MYH10: variants seen among roughly 807,000 people sequenced by gnomAD.
The protein encoded by MYH10 is myosin-10.
In MYH10, 55 loss-of-function variants were observed where a neutral mutation model predicts 257.8. The ratio of observed to expected loss-of-function variants is 0.21; its 90% CI spans 0.17 to 0.27. The LOEUF (loss-of-function observed/expected upper bound fraction) is 0.27, where lower values mean the gene tolerates loss of function less well. Among genes scored for constraint, MYH10 ranks in the 10% least tolerant of loss-of-function variants. The pLI, the probability that MYH10 is intolerant of heterozygous loss-of-function variation, is 1.00. For synonymous variants in MYH10, 854 were observed against 921.7 expected, an observed-to-expected ratio of 0.93 and a Z score of 1.33; for missense variants, 1,631 against 2,500.6, an observed-to-expected ratio of 0.65 and a Z score of 7.42.
intron 25 of MYH10, 44 bp downstream of exon 25, chr17:8,509,768 T>C: frequency 1.3e-6 from 2 of 1,556,756 alleles, no homozygotes; most frequent in Non-Finnish European, 1.7e-6. Context: ...TATATAAATA[T>C]TTTCTGTAAC....
intron 28 of MYH10, among the ~76,000 whole-genome samples, chr17:8,502,608 G>A (rs948788069): frequency 5.3e-5 from 8 of 152,066 alleles, no homozygotes; most frequent in African/African-American, 1.9e-4. Flanking sequence ...AAGTCCTTAA[G>A]AGAGTGAAAA....
chr17:8,487,339 G>A, intron 36 of MYH10, 94 bp downstream of exon 36: 4 of 1,486,580 alleles, frequency 2.7e-6, no homozygotes, highest in Non-Finnish European at 3.7e-6. Flanking sequence ...GCTGACAGCG[G>A]TGCTGTGCCC....
In MYH10 at chr17:8,500,685, G is replaced by C. The variant is rs569884236; in HGVS notation, c.3744+141C>G. On this transcript the variant is annotated intron_variant, in intron 29 of 42. Transcript: ENST00000360416. ...GAAAGCCGCTCCTGTCTTGGCAACT[G>C]GGTACCCAGCAGCCCACTCAGTGAC... 2.0e-3 allele frequency: 2,048 copies of C among 1,000,290 alleles called. 43 individuals are homozygous for C. In the South Asian group the frequency reaches 0.037, roughly 18 times the overall value. 62.0% of individuals were successfully genotyped at this position (1,000,290 alleles called of 1,614,324 possible). A position where few individuals can be genotyped will look rare whatever the true frequency, so the allele number is the denominator to read the frequency against.
chr17:8,595,425 CT>C (rs10664342), intron 3 of MYH10, among the ~76,000 whole-genome samples: 95 of 84,180 alleles, frequency 1.1e-3, no homozygotes, highest in African/African-American at 5.0e-3. Context: ...AAGAACAGTT[CT>C]TTTTTTTTTT....
intron 19 of MYH10, among the ~76,000 whole-genome samples, chr17:8,520,479 G>C (rs1470739324): frequency 1.3e-5 from 2 of 152,172 alleles, no homozygotes; most frequent in African/African-American, 4.8e-5. Flanking sequence ...CTGGGTGACA[G>C]AGCGAAGACT....
chr17:8,499,239 G>A (rs368568654), intron 30 of MYH10, 31 bp downstream of exon 30: 18 of 1,598,858 alleles, frequency 1.1e-5, no homozygotes, highest in Non-Finnish European at 1.5e-5. Context: ...GCTACAGTGG[G>A]ACGTGTGTAG....
chr17:8,582,256 A>G (rs1410237490), intron 4 of MYH10, among the ~76,000 whole-genome samples: 3 of 152,186 alleles, frequency 2.0e-5, no homozygotes, highest in African/African-American at 4.8e-5. Flanking sequence ...AAGCAGAGGG[A>G]AGAGAGCCAA....
In MYH10 at chr17:8,476,890, C is replaced by A. The variant is rs78220738; in HGVS notation, c.5865G>T (p.Leu1955=). ...NEGLSREVST[L]KNRLRRGGPI... is the part of the protein sequence containing the mutation. ...TGCCTGCTCACCTCAGCCGGTTCTT[C>A]AGGGTGCTGACCTCGCGGCTCAGGC... The change falls in exon 42 of 43, where the codon CTG becomes CTT. Residue 1955 remains leucine, a synonymous_variant. Transcript: ENST00000360416. 1 of 1,609,742 alleles carries A rather than the reference C, an allele frequency of 6.2e-7. No individual in the cohort carries two copies. Among genetic ancestry groups the A allele is most frequent in the East Asian group, 2.2e-5 (1 of 44,856 alleles).
chr17:8,493,974 GAGAC>G (rs1359458397), intron 31 of MYH10, 89 bp from the exon 32 acceptor site: 7 of 1,433,630 alleles, frequency 4.9e-6, no homozygotes, highest in Non-Finnish European at 6.6e-6. Flanking sequence ...TCGTACAAAA[GAGAC>G]AGCCTCAATG....
chr17:8,513,570 C>G lies in MYH10; in HGVS notation c.2713G>C (p.Glu905Gln). 1.2e-6 allele frequency: 2 copies of G among 1,614,134 alleles called. No individual in the cohort carries two copies. Among genetic ancestry groups the G allele is most frequent in the East Asian group, 2.2e-5 (1 of 44,890 alleles). ...TGCTTCCGCTCCATCTCCTCCAGCT[C>G]TCCTTCCACCTTCGTCTGCTTCTCC... Reference protein sequence around the residue: ...VKEKQTKVEGELEEMERKHQQ... With the variant: ...VKEKQTKVEGQLEEMERKHQQ... The change falls in exon 23 of 43, where the codon GAG becomes CAG. Residue 905 changes from glutamate (E) to glutamine (Q), a missense_variant. Around this residue, in one of 11 missense-constraint regions of MYH10, gnomAD observed 116 missense variants for 221.6 expected, o/e 0.52. Transcript: ENST00000360416.
chr17:8,480,607 C>T, intron 38 of MYH10, 82 bp from the exon 39 acceptor site: 2 of 1,565,516 alleles, frequency 1.3e-6, no homozygotes, highest in Non-Finnish European at 1.7e-6. Context: ...TCCACCCACC[C>T]TGTTGCTGGA....
intron 23 of MYH10, among the ~76,000 whole-genome samples, chr17:8,513,325 T>A (rs933375870): frequency 1.3e-5 from 2 of 152,246 alleles, no homozygotes; most frequent in Non-Finnish European, 1.5e-5. Context: ...AGGTTGATTT[T>A]AACTTCTACA....
chr17:8,562,389 T>TA (rs2083027054), intron 7 of MYH10, among the ~76,000 whole-genome samples: 2 of 152,236 alleles, frequency 1.3e-5, no homozygotes, highest in African/African-American at 4.8e-5. Context: ...TGTTAAAAGT[T>TA]AAAAAAGCTT....
chr17:8,570,295 G>A (rs1309557887), intron 6 of MYH10, among the ~76,000 whole-genome samples: 1 of 152,098 alleles, frequency 6.6e-6, no homozygotes. Context: ...CTATCATATA[G>A]ACAGGGCAAT....
chr17:8,489,454 A>T (rs2151809317), intron 35 of MYH10, among the ~76,000 whole-genome samples: 2 of 152,340 alleles, frequency 1.3e-5, no homozygotes, highest in Admixed American at 1.3e-4. Flanking sequence ...CTGTAATCCC[A>T]GCACTTTGGG....
chr17:8,630,131 C>A (rs982925276), intron 1 of MYH10, among the ~76,000 whole-genome samples: 2 of 151,934 alleles, frequency 1.3e-5, no homozygotes, highest in African/African-American at 2.4e-5. Flanking sequence ...AGCGCCCCCC[C>A]ACCCTACCGC....
chr17:8,604,706 C>T, intron 3 of MYH10, 120 bp downstream of exon 3: 1 of 731,524 alleles, frequency 1.4e-6, no homozygotes, highest in Non-Finnish European at 1.9e-6. Flanking sequence ...ATAAACATTA[C>T]TTTTTTATTA....
At chr17:8,623,417 T>C (rs1598005758) in intron 1 of MYH10, 140 bp from the exon 2 acceptor site, 14 of 685,678 alleles carry the variant, frequency 2.0e-5, no homozygotes, top group South Asian at 8.7e-5. Context: ...TTCACAGCCA[T>C]ACTAACCGAG....
chr17:8,573,215 G>GTTA (rs1262210735), intron 6 of MYH10, among the ~76,000 whole-genome samples: 1 of 152,178 alleles, frequency 6.6e-6, no homozygotes, highest in Non-Finnish European at 1.5e-5. Context: ...GTTCGAAATG[G>GTTA]TTAAAAATAT....
Sources: gnomAD v4.1 joint callset for allele counts (sites outside exome capture counted in the v4.1 genomes callset) on GRCh38, gnomAD v4.1.1 for gene constraint, gnomAD v4.1.1 regional missense constraint, MANE v1.5 for transcripts, NCBI Gene and HGNC (gene_info 2026-07-23, HGNC 2026-07-21) for gene names.